The following SAMD3 variants were observed in gnomAD, a reference collection of about 807,000 sequenced individuals.
The protein encoded by SAMD3 is sterile alpha motif domain-containing protein 3.
In SAMD3, 63 loss-of-function variants were observed where a neutral mutation model predicts 58.5. The ratio of observed to expected loss-of-function variants is 1.08; its 90% CI spans 0.88 to 1.33. The LOEUF is 1.33. SAMD3 is among the 40% of genes most tolerant of loss of function. The probability of loss-of-function intolerance (pLI) is 0.00; values close to 1 mark genes in which losing one functional copy is unlikely to be tolerated. For synonymous variants in SAMD3, 220 were observed against 210.3 expected, an observed-to-expected ratio of 1.05 and a Z score of -0.40; for missense variants, 604 against 608.4, an observed-to-expected ratio of 0.99 and a Z score of 0.08.
chr6:130,179,330 T>C (rs938471670), intron 7 of SAMD3, among the ~76,000 whole-genome samples: 2 of 152,222 alleles, frequency 1.3e-5, no homozygotes, highest in African/African-American at 4.8e-5. Context: ...ATATTTATGT[T>C]ATAGAATAAT....
chr6:130,232,460 A>T (rs1257018136), intron 2 of SAMD3, among the ~76,000 whole-genome samples: 1 of 152,204 alleles, frequency 6.6e-6, no homozygotes, highest in African/African-American at 2.4e-5. Context: ...TTTGCACCCA[A>T]GATCTGTCAG....
At chr6:130,335,280 C>A (rs186532777) in intron 1 of SAMD3, among the ~76,000 whole-genome samples, 78 of 152,250 alleles carry the variant, frequency 5.1e-4, no homozygotes, top group African/African-American at 1.4e-3. Context: ...TAGCCCTGAT[C>A]CCAACCAACA....
downstream of SAMD3, chr6:130,143,851 C>G (rs1788392665): frequency 6.6e-6 from 1 of 152,398 alleles, no homozygotes; most frequent in African/African-American, 2.4e-5. Flanking sequence ...GAACTGGACT[C>G]TGGGCAGTAG....
At chr6:130,156,584 C>G (rs1022504715) in intron 8 of SAMD3, among the ~76,000 whole-genome samples, 2 of 152,170 alleles carry the variant, frequency 1.3e-5, no homozygotes, top group Non-Finnish European at 1.5e-5. Flanking sequence ...CATTACGTTT[C>G]ACATACTATC....
intron 11 of SAMD3, 75 bp downstream of exon 11, chr6:130,145,264 AT>A (rs1788517478): frequency 1.4e-6 from 1 of 718,082 alleles, no homozygotes; most frequent in African/African-American, 1.8e-5. Flanking sequence ...TCTCAAAAAT[AT>A]AAGTAAATAA....
intron 2 of SAMD3, among the ~76,000 whole-genome samples, chr6:130,268,541 C>T (rs976828876): frequency 6.6e-6 from 1 of 152,178 alleles, no homozygotes; most frequent in Non-Finnish European, 1.5e-5. Flanking sequence ...TCTAGCCTTG[C>T]AAGCACCAGT....
intron 1 of SAMD3, among the ~76,000 whole-genome samples, chr6:130,333,101 G>A (rs1776992331): frequency 6.7e-6 from 1 of 150,016 alleles, no homozygotes; most frequent in South Asian, 2.1e-4. Flanking sequence ...GGGGTGACAA[G>A]TTTTGAGGAG....
intron 5 of SAMD3, among the ~76,000 whole-genome samples, chr6:130,197,911 A>T (rs1405619954): frequency 6.6e-6 from 1 of 152,114 alleles, no homozygotes; most frequent in Admixed American, 6.5e-5. Flanking sequence ...AACTGATGAC[A>T]TTCCACCACA....
chr6:130,358,079 G>A lies in SAMD3; in HGVS notation c.-304+7041C>T, dbSNP rs139866248. ...TGTCTGCTCTTTTTATCTACTGTGG[G>A]TTGATAATCAAATATCCTTTGGCAG... is the stretch of plus-strand genomic sequence containing the variant. On this transcript the variant is annotated intron_variant, in intron 1 of 13. Transcript: ENST00000368134. 5.1e-3 allele frequency among the ~76,000 whole-genome samples: 773 copies of A among 152,264 alleles called. 4 individuals are homozygous for A. The highest frequency in any genetic ancestry group is 6.7e-3 in the Admixed American group (103 of 15,288).
chr6:130,229,058 G>C (rs1796465057), intron 2 of SAMD3, among the ~76,000 whole-genome samples: 1 of 152,210 alleles, frequency 6.6e-6, no homozygotes, highest in Admixed American at 6.5e-5. Context: ...AGAGTCCTCT[G>C]AGAGAGAAGG....
In SAMD3 at chr6:130,153,666, T is replaced by TATATATATATATATATATATATATC. The variant is rs58896049; in HGVS notation, c.1023+1158_1023+1159insGATATATATATATATATATATATAT. 3.9e-4 allele frequency among the ~76,000 whole-genome samples: 36 copies of TATATATATATATATATATATATATC among 91,150 alleles called. 3 individuals carry two copies. The highest frequency in any genetic ancestry group is 6.7e-4 in the Non-Finnish European group (29 of 43,344). 59.8% of individuals were successfully genotyped at this position (91,150 alleles called of 152,430 possible). On this transcript the variant is annotated intron_variant, in intron 9 of 11. Transcript: ENST00000439090. ...AAATTTCATATATATATATATATAT[T>TATATATATATATATATATATATATC]TATTTATTTATTTATTTTTTAAAAT...
At chr6:130,193,189 G>C (rs940050284) in intron 5 of SAMD3, among the ~76,000 whole-genome samples, 1 of 152,008 alleles carries the variant, frequency 6.6e-6, no homozygotes, top group Non-Finnish European at 1.5e-5. Context: ...TCTGGGGGAG[G>C]GGCAAGTACC....
chr6:130,286,713 CTTTA>C (rs1775168866), intron 2 of SAMD3, among the ~76,000 whole-genome samples: 1 of 151,988 alleles, frequency 6.6e-6, no homozygotes, highest in Non-Finnish European at 1.5e-5. Context: ...GAAGCTCATT[CTTTA>C]TTTATTTGTT....
chr6:130,168,992 G>A (rs903947899), intron 8 of SAMD3, among the ~76,000 whole-genome samples: 1 of 152,004 alleles, frequency 6.6e-6, no homozygotes, highest in African/African-American at 2.4e-5. Context: ...TTTTTGTAAA[G>A]AGGGGGTCTC....
At chr6:130,260,850 C>CCCAAG in intron 2 of SAMD3, among the ~76,000 whole-genome samples, 1 of 152,342 alleles carries the variant, frequency 6.6e-6, no homozygotes, top group African/African-American at 2.4e-5. Context: ...GGAACTGGTA[C>CCCAAG]TTGGAGTCTG....
intron 1 of SAMD3, among the ~76,000 whole-genome samples, chr6:130,341,675 G>A (rs1456794381): frequency 6.6e-6 from 1 of 152,140 alleles, no homozygotes; most frequent in Non-Finnish European, 1.5e-5. Context: ...TCCTGGAATT[G>A]GTATACTAAG....
chr6:130,345,752 C>G (rs2115028781), intron 1 of SAMD3, among the ~76,000 whole-genome samples: 1 of 152,274 alleles, frequency 6.6e-6, no homozygotes, highest in South Asian at 2.1e-4. Flanking sequence ...CAGTTGTCCT[C>G]AAGTGGTACA....
At chr6:130,223,754 A>C (rs1170174586), upstream of SAMD3, among the ~76,000 whole-genome samples, 1 of 152,190 alleles carries the variant, frequency 6.6e-6, no homozygotes, top group African/African-American at 2.4e-5. Context: ...GCAGACGGGC[A>C]GGTCATGGGG....
chr6:130,304,169 T>G (rs956523851), intron 2 of SAMD3, among the ~76,000 whole-genome samples: 1 of 152,164 alleles, frequency 6.6e-6, no homozygotes, highest in Non-Finnish European at 1.5e-5. Context: ...TTTGTCAACA[T>G]TGTTGAACAG....
Sources: allele counts gnomAD v4.1 joint callset (sites outside exome capture counted in the v4.1 genomes callset), GRCh38; gene constraint gnomAD v4.1.1; transcripts MANE v1.5; gene names NCBI Gene and HGNC (gene_info 2026-07-23, HGNC 2026-07-21).